Variants in MYO1D observed in about 807,000 individuals in gnomAD.
MYO1D encodes unconventional myosin-Id.
MYO1D carries 83 observed loss-of-function variants against 122.0 expected under a neutral mutation model. The ratio of observed to expected loss-of-function variants is 0.68; its 90% CI spans 0.57 to 0.82. The LOEUF is 0.82. MYO1D is among the 40% of genes least tolerant of loss of function. The pLI is 0.00. For synonymous variants in MYO1D, 464 were observed against 446.9 expected (o/e 1.04, Z -0.48); for missense variants, 1,157 against 1,269.5 (o/e 0.91, Z 1.35).
intron 21 of MYO1D, among the ~76,000 whole-genome samples, chr17:32,553,463 C>T (rs1390604053): frequency 6.6e-6 from 1 of 152,020 alleles, no homozygotes; most frequent in Non-Finnish European, 1.5e-5. Context: ...ACCAGGGCTG[C>T]GAATGGACCT....
chr17:32,709,337 T>C (rs1158225700), intron 16 of MYO1D, among the ~76,000 whole-genome samples: 4 of 151,778 alleles, frequency 2.6e-5, no homozygotes, highest in African/African-American at 4.8e-5. Context: ...ATCAATCTCT[T>C]GAATAGGTAG....
intron 7 of MYO1D, among the ~76,000 whole-genome samples, chr17:32,765,339 T>C (rs1474384271): frequency 6.6e-6 from 1 of 152,206 alleles, no homozygotes; most frequent in East Asian, 1.9e-4. Context: ...TCTTTTGCCT[T>C]AGGGTCTCTC....
chr17:32,678,646 T>C (rs2088861709), intron 16 of MYO1D, among the ~76,000 whole-genome samples: 1 of 150,788 alleles, frequency 6.6e-6, no homozygotes, highest in East Asian at 1.9e-4. Context: ...ATTTTCTTAA[T>C]CCAGTCTATC....
At chr17:32,571,793 A>G (rs954023248) in intron 21 of MYO1D, among the ~76,000 whole-genome samples, 1 of 152,206 alleles carries the variant, frequency 6.6e-6, no homozygotes, top group Non-Finnish European at 1.5e-5. Flanking sequence ...AATTAAGAAT[A>G]TTACCATTTT....
At chr17:32,872,296 G>A (rs1440060427) in intron 1 of MYO1D, among the ~76,000 whole-genome samples, 3 of 151,916 alleles carry the variant, frequency 2.0e-5, no homozygotes, top group Non-Finnish European at 2.9e-5. Flanking sequence ...ATTTTGAGAC[G>A]GAGTCTTGCT....
At chr17:32,723,913 C>T (rs566827221) in intron 14 of MYO1D, among the ~76,000 whole-genome samples, 6 of 152,172 alleles carry the variant, frequency 3.9e-5, no homozygotes, top group South Asian at 4.2e-4. Flanking sequence ...GGAATACCAA[C>T]CCTTTCATTA....
At chr17:32,876,698 C>T in intron 1 of MYO1D, 80 bp downstream of exon 1, 2 of 1,240,506 alleles carry the variant, frequency 1.6e-6, no homozygotes, top group Non-Finnish European at 2.2e-6. Context: ...CCCGACACCC[C>T]GGATCCGGCC....
At chr17:32,606,465 T>A (rs111273769) in intron 20 of MYO1D, among the ~76,000 whole-genome samples, 8 of 152,284 alleles carry the variant, frequency 5.3e-5, no homozygotes, top group African/African-American at 1.9e-4. Context: ...ATTAGCAAAT[T>A]AAATCCAACA....
At chr17:32,668,224 T>G (rs1879342087) in intron 16 of MYO1D, among the ~76,000 whole-genome samples, 1 of 152,174 alleles carries the variant, frequency 6.6e-6, no homozygotes, top group African/African-American at 2.4e-5. Flanking sequence ...GTCAAGAGTT[T>G]GAGCATCTGA....
chr17:32,656,615 T>C (rs1373739032), intron 17 of MYO1D, among the ~76,000 whole-genome samples: 2 of 152,208 alleles, frequency 1.3e-5, no homozygotes, highest in Non-Finnish European at 2.9e-5. Context: ...GCAACAACCA[T>C]GAAGAAGTCA....
In MYO1D at chr17:32,494,581, G is replaced by C. The variant is rs984874270; in HGVS notation, c.*178C>G. ...TTGAACAGGGACCGTGGACAGTAAG[G>C]ACAGAGGAAGATGATACCAAAGGCA... On this transcript the variant is annotated 3_prime_UTR_variant, in exon 22 of 22. Transcript: ENST00000318217. The C allele has an allele frequency of 5.2e-6, 4 of 764,094 alleles. No individual in the cohort carries two copies. The highest frequency in any genetic ancestry group is 8.2e-6 in the Non-Finnish European group (4 of 487,198). The allele number at this position is 764,094 out of a possible 1,614,324, so 47.3% of individuals were successfully genotyped here. A position where few individuals can be genotyped will look rare whatever the true frequency, so the allele number is the denominator to read the frequency against.
intron 14 of MYO1D, among the ~76,000 whole-genome samples, chr17:32,726,278 G>A (rs928260237): frequency 6.6e-6 from 1 of 152,038 alleles, no homozygotes; most frequent in Non-Finnish European, 1.5e-5. Context: ...AAATTAACTG[G>A]GTGTGGTGGC....
At chr17:32,616,772 T>C (rs1469196778) in intron 20 of MYO1D, among the ~76,000 whole-genome samples, 1 of 152,234 alleles carries the variant, frequency 6.6e-6, no homozygotes, top group African/African-American at 2.4e-5. Flanking sequence ...GCTTACTATA[T>C]GACTGGCTTT....
chr17:32,728,501 C>T (rs1009290197), intron 14 of MYO1D, among the ~76,000 whole-genome samples: 12 of 151,938 alleles, frequency 7.9e-5, no homozygotes, highest in East Asian at 1.9e-4. Context: ...CCACCGCGCC[C>T]GGCTGCAAAT....
chr17:32,870,455 A>G (rs1280893021), intron 1 of MYO1D, among the ~76,000 whole-genome samples: 2 of 152,134 alleles, frequency 1.3e-5, no homozygotes, highest in Admixed American at 6.5e-5. Context: ...CCAAATGACC[A>G]AACAGCCACA....
At chr17:32,643,064 A>G (rs2150942675) in intron 19 of MYO1D, among the ~76,000 whole-genome samples, 1 of 152,336 alleles carries the variant, frequency 6.6e-6, no homozygotes, top group South Asian at 2.1e-4. Context: ...TGGTTTTGTC[A>G]TAAATAGTTC....
chr17:32,667,506 C>T (rs562128203), intron 16 of MYO1D, among the ~76,000 whole-genome samples: 6 of 152,186 alleles, frequency 3.9e-5, no homozygotes, highest in East Asian at 1.9e-4. Flanking sequence ...GGAAGACATA[C>T]GATAAATCTA....
chr17:32,835,877 G>C (rs2090817172), intron 1 of MYO1D, among the ~76,000 whole-genome samples: 1 of 152,126 alleles, frequency 6.6e-6, no homozygotes, highest in Non-Finnish European at 1.5e-5. Context: ...ACCTAAAAGA[G>C]AATTAAGATT....
In MYO1D at chr17:32,703,604, A is replaced by G. The variant is rs1478253665; in HGVS notation, c.2121+8384T>C. On this transcript the variant is annotated intron_variant, in intron 16 of 21. Transcript: ENST00000318217. ...CTATTGACGATTTTGATCTTGCCCT[A>G]TGATTCCCTAGAATGAGAACATAAC... Among the ~76,000 whole-genome samples the G allele has an allele frequency of 3.9e-5, 6 of 152,054 alleles. 1 individual carries two copies. The South Asian group carries it at 1.2e-3, about 31-fold the overall frequency.
Sources: allele counts gnomAD v4.1 joint callset (sites outside exome capture counted in the v4.1 genomes callset), GRCh38; gene constraint gnomAD v4.1.1; transcripts MANE v1.5; gene names NCBI Gene and HGNC (gene_info 2026-07-23, HGNC 2026-07-21).